CDK14: variants seen among roughly 807,000 people sequenced by gnomAD.
The protein encoded by CDK14 is cyclin dependent kinase 14.
Under a neutral mutation model 60.7 loss-of-function variants are expected in CDK14, and 34 were observed. The observed-to-expected ratio is 0.56, with a 90% CI of 0.43 to 0.75. The LOEUF (loss-of-function observed/expected upper bound fraction) is 0.75, where lower values mean the gene tolerates loss of function less well. Ranked by LOEUF, CDK14 falls within the 30% of genes least tolerant of loss-of-function variation. The pLI is 0.00. For missense variants in CDK14, 482 were observed against 564.1 expected (o/e 0.85, Z 1.47); for synonymous variants, 197 against 203.7 (o/e 0.97, Z 0.28).
At chr7:90,721,568 A>T (rs557070817) in intron 2 of CDK14, among the ~76,000 whole-genome samples, 120 of 152,316 alleles carry the variant, frequency 7.9e-4, no homozygotes, top group African/African-American at 2.8e-3. Context: ...TTCTGGTAAC[A>T]GCTGGATGTT....
At chr7:90,675,169 T>G (rs1801174170) in intron 2 of CDK14, among the ~76,000 whole-genome samples, 1 of 152,154 alleles carries the variant, frequency 6.6e-6, no homozygotes, top group Non-Finnish European at 1.5e-5. Context: ...AACCTTTCTT[T>G]TCCATACATT....
chr7:90,641,380 T>G (rs1259527348), intron 2 of CDK14, among the ~76,000 whole-genome samples: 1 of 152,180 alleles, frequency 6.6e-6, no homozygotes, highest in Admixed American at 6.5e-5. Flanking sequence ...AATCCCAATG[T>G]CCATCATCTG....
At chr7:91,033,518 C>T (rs1796825909) in intron 10 of CDK14, among the ~76,000 whole-genome samples, 1 of 152,174 alleles carries the variant, frequency 6.6e-6, no homozygotes, top group South Asian at 2.1e-4. Flanking sequence ...ACCTGGGGTT[C>T]TTCATGAGCT....
At chr7:90,640,150 C>G (rs112314543) in intron 2 of CDK14, among the ~76,000 whole-genome samples, 4 of 152,072 alleles carry the variant, frequency 2.6e-5, no homozygotes, top group Non-Finnish European at 5.9e-5. Context: ...CTGTCTGGCA[C>G]TCCCTATTGA....
At chr7:91,035,833 C>CTTTTTTTTTTTTTTTTT (rs34091498) in intron 10 of CDK14, among the ~76,000 whole-genome samples, 1 of 99,232 alleles carries the variant, frequency 1.0e-5, no homozygotes. Context: ...GCTTCATGGT[C>CTTTTTTTTTTTTTTTTT]TTTTTTTTTT....
intron 2 of CDK14, among the ~76,000 whole-genome samples, chr7:90,711,342 A>G (rs537938885): frequency 5.9e-5 from 9 of 152,152 alleles, no homozygotes; most frequent in African/African-American, 1.7e-4. Flanking sequence ...TTCCAAAGAT[A>G]GATCAAATTT....
Position 90,982,163 on chromosome 7 carries a change from C to T in CDK14, c.948-1985C>T, listed in dbSNP as rs77212160. On this transcript the variant is annotated intron_variant, in intron 9 of 14. Transcript: ENST00000380050. ...GGCAGGTCAAGCTGCGAAAGAATGT[C>T]GAGCATGGTAGATGGCTCATAGAGT... Among the ~76,000 whole-genome samples, 1,503 of 152,204 alleles carry T rather than the reference C, an allele frequency of 9.9e-3. 25 individuals are homozygous for T. Among genetic ancestry groups the T allele is most frequent in the African/African-American group, 0.033 (1,380 of 41,510 alleles).
chr7:90,600,498 A>G (rs964855271), intron 1 of CDK14, among the ~76,000 whole-genome samples: 4 of 152,190 alleles, frequency 2.6e-5, no homozygotes. Context: ...TGAGATGAAC[A>G]CCATGTATAC....
chr7:91,183,041 C>A (rs1424698038), intron 14 of CDK14, among the ~76,000 whole-genome samples: 1 of 152,152 alleles, frequency 6.6e-6, no homozygotes, highest in Non-Finnish European at 1.5e-5. Flanking sequence ...ATGTTTAGTT[C>A]ACTTCTAAGG....
intron 2 of CDK14, among the ~76,000 whole-genome samples, chr7:90,721,255 T>A (rs1364865308): frequency 6.6e-6 from 1 of 152,132 alleles, no homozygotes; most frequent in Non-Finnish European, 1.5e-5. Flanking sequence ...AGTTCCTTGG[T>A]ACTTTTTTTC....
chr7:90,736,348 TTG>T (rs371867873), intron 3 of CDK14, among the ~76,000 whole-genome samples: 810 of 51,990 alleles, frequency 0.016, 25 homozygotes, highest in African/African-American at 0.057. Context: ...TATTATGTTT[TTG>T]TTTTTTTTTT....
chr7:91,166,415 G>T (rs1801347046), intron 14 of CDK14, among the ~76,000 whole-genome samples: 1 of 152,092 alleles, frequency 6.6e-6, no homozygotes, highest in Non-Finnish European at 1.5e-5. Context: ...TTGTGAAGAG[G>T]CTAAACTTGA....
intron 4 of CDK14, among the ~76,000 whole-genome samples, chr7:90,763,400 C>G (rs1804407094): frequency 6.6e-6 from 1 of 152,076 alleles, no homozygotes; most frequent in Non-Finnish European, 1.5e-5. Flanking sequence ...GAGACCAGAT[C>G]CAAGCGTAGG....
chr7:90,781,449 T>G (rs1193542173), intron 4 of CDK14, among the ~76,000 whole-genome samples: 2 of 151,140 alleles, frequency 1.3e-5, no homozygotes, highest in Non-Finnish European at 3.0e-5. Flanking sequence ...TTTTGTCTTT[T>G]GTTGCCATTG....
chr7:91,044,578 C>G (rs527311988), intron 10 of CDK14, among the ~76,000 whole-genome samples: 7 of 152,318 alleles, frequency 4.6e-5, no homozygotes, highest in African/African-American at 1.2e-4. Context: ...CCTTCCCCAT[C>G]ATGGCCTGAG....
intron 5 of CDK14, among the ~76,000 whole-genome samples, chr7:90,857,884 G>T (rs988269356): frequency 6.6e-6 from 1 of 152,168 alleles, no homozygotes; most frequent in African/African-American, 2.4e-5. Flanking sequence ...CACCTACCGT[G>T]ATGTTGGTAC....
chr7:90,858,513 A>C (rs1428568719), intron 5 of CDK14, among the ~76,000 whole-genome samples: 1 of 152,232 alleles, frequency 6.6e-6, no homozygotes, highest in East Asian at 1.9e-4. Context: ...TGAGGTATTA[A>C]CTTGAAAAAT....
chr7:90,972,870 C>T (rs936541365), intron 9 of CDK14, among the ~76,000 whole-genome samples: 3 of 152,180 alleles, frequency 2.0e-5, no homozygotes, highest in African/African-American at 7.2e-5. Flanking sequence ...GCAGCATCAA[C>T]ATGGCTTGGA....
rs17865061 is a variant in CDK14 at position 90,640,214 on chromosome 7, C to T, written c.123+35965C>T. 6.3e-3 allele frequency among the ~76,000 whole-genome samples: 955 copies of T among 152,230 alleles called. 18 individuals are homozygous for T. The highest frequency in any genetic ancestry group is 0.022 in the African/African-American group (910 of 41,556). On this transcript the variant is annotated intron_variant, in intron 2 of 14. Coordinates refer to ENST00000380050, the MANE Select transcript of CDK14 (RefSeq NM_001287135.2). Reference sequence around the variant, plus strand: ...CAGAAATCACCCGTCTTCTGCGTGGCTCACGCTGGGAGCTGTAGACCGGAG... The same window carrying T: ...CAGAAATCACCCGTCTTCTGCGTGGTTCACGCTGGGAGCTGTAGACCGGAG...
Sources: allele counts gnomAD v4.1 joint callset (sites outside exome capture counted in the v4.1 genomes callset), GRCh38; gene constraint gnomAD v4.1.1; transcripts MANE v1.5; gene names NCBI Gene and HGNC (gene_info 2026-07-23, HGNC 2026-07-21).